Variants in FOXK2 observed in about 807,000 individuals in gnomAD.
FOXK2 encodes the protein forkhead box protein K2.
Under a neutral mutation model 53.3 loss-of-function variants are expected in FOXK2, and 24 were observed. The ratio of observed to expected loss-of-function variants is 0.45; its 90% CI spans 0.33 to 0.63. The LOEUF (loss-of-function observed/expected upper bound fraction) is 0.63. Among genes scored for constraint, FOXK2 ranks in the 30% least tolerant of loss-of-function variants. The pLI is 0.03. For missense variants in FOXK2, 952 were observed against 910.5 expected (o/e 1.05, Z -0.59); for synonymous variants, 505 against 407.1 (o/e 1.24, Z -2.89).
At chr17:82,550,633 G>C (rs1483676580) in intron 1 of FOXK2, among the ~76,000 whole-genome samples, 2 of 151,526 alleles carry the variant, frequency 1.3e-5, no homozygotes, top group African/African-American at 2.4e-5. Flanking sequence ...CTCCCGAGTA[G>C]CTGGGACTAC....
intron 1 of FOXK2, among the ~76,000 whole-genome samples, chr17:82,542,361 C>T (rs922137247): frequency 6.6e-6 from 1 of 152,040 alleles, no homozygotes; most frequent in Non-Finnish European, 1.5e-5. Flanking sequence ...GACGGGATTT[C>T]ACCATGTTGG....
chr17:82,527,173 AG>A (rs1288415652), intron 1 of FOXK2, among the ~76,000 whole-genome samples: 1 of 152,102 alleles, frequency 6.6e-6, no homozygotes, highest in Non-Finnish European at 1.5e-5. Flanking sequence ...CACTTTGAAA[AG>A]TGTTCAGTGT....
At chr17:82,530,015 G>A (rs1390084033) in intron 1 of FOXK2, among the ~76,000 whole-genome samples, 1 of 152,188 alleles carries the variant, frequency 6.6e-6, no homozygotes, top group African/African-American at 2.4e-5. Context: ...TAGCTGAATT[G>A]TTCCAGTTTT....
intron 1 of FOXK2, among the ~76,000 whole-genome samples, chr17:82,554,106 A>G (rs561236120): frequency 7.7e-4 from 117 of 152,306 alleles, no homozygotes; most frequent in Middle Eastern, 6.8e-3. Context: ...TGCTGGGATT[A>G]CAGGCGTGAG....
chr17:82,575,851 A>G (rs2044975998), intron 4 of FOXK2, among the ~76,000 whole-genome samples: 1 of 152,242 alleles, frequency 6.6e-6, no homozygotes, highest in Non-Finnish European at 1.5e-5. Context: ...CAGATGCGCA[A>G]AGATTCACGC....
At chr17:82,538,377 T>A (rs2044541165) in intron 1 of FOXK2, among the ~76,000 whole-genome samples, 1 of 152,096 alleles carries the variant, frequency 6.6e-6, no homozygotes, top group Admixed American at 6.6e-5. Context: ...CCTGGACACT[T>A]GGGAGGCTAA....
chr17:82,587,951 A>C (rs528865612), intron 8 of FOXK2, among the ~76,000 whole-genome samples: 1 of 152,254 alleles, frequency 6.6e-6, no homozygotes, highest in East Asian at 1.9e-4. Flanking sequence ...CAAGCAGGCA[A>C]ATCCGAAGCT....
intron 8 of FOXK2, among the ~76,000 whole-genome samples, chr17:82,591,035 C>T (rs1405188412): frequency 6.6e-6 from 1 of 152,314 alleles, no homozygotes; most frequent in East Asian, 1.9e-4. Flanking sequence ...AGGGCTTGGC[C>T]CCTGCGTGTG....
chr17:82,567,982 G>C (rs1316365692), intron 2 of FOXK2, 72 bp from the exon 3 acceptor site: 1 of 1,096,490 alleles, frequency 9.1e-7, no homozygotes, highest in Non-Finnish European at 1.2e-6. Context: ...TGTAATTAAA[G>C]CCAGTTGCTG....
Position 82,601,377 on chromosome 17 carries a change from G to A in FOXK2, c.1861G>A (p.Gly621Ser), listed in dbSNP as rs776830101. Residue 621 changes from glycine (G) to serine (S), a missense_variant, in exon 9 of 9, where the codon GGT becomes AGT. Gly to Ser is a moderately conservative substitution (Grantham distance 56). This residue lies in a region of FOXK2 where 551 missense variants were observed against 385.1 expected (regional missense o/e 1.43). Transcript: ENST00000335255. ...CTCCCTGCCCACAAAGCGCCACAAC[G>A]GTGACCAGCCGGAGCAGCCGGAGCT... ...SASLPTKRHNGDQPEQPELKR... is the reference protein window; with the variant it reads ...SASLPTKRHNSDQPEQPELKR... 1.7e-5 allele frequency: 27 copies of A among 1,613,276 alleles called. No homozygotes were observed. Among genetic ancestry groups the A allele is most frequent in the Middle Eastern group, 1.8e-4 (1 of 5,702 alleles).
intron 1 of FOXK2, among the ~76,000 whole-genome samples, chr17:82,528,547 A>T (rs1383935052): frequency 1.3e-5 from 2 of 152,204 alleles, no homozygotes; most frequent in Non-Finnish European, 2.9e-5. Context: ...TGCTGCTAAA[A>T]TGCAGTACAG....
intron 1 of FOXK2, among the ~76,000 whole-genome samples, chr17:82,526,150 C>A (rs1410074486): frequency 6.6e-6 from 1 of 152,178 alleles, no homozygotes; most frequent in Admixed American, 6.6e-5. Context: ...CAGTCAGTGG[C>A]TTCTGGAGCT....
chr17:82,576,862 C>CA, intron 4 of FOXK2: 1 of 520,400 alleles, frequency 1.9e-6, no homozygotes, highest in Non-Finnish European at 3.5e-6. Flanking sequence ...ATTTTTCTAC[C>CA]AAAAAAATGT....
In FOXK2 at chr17:82,591,457, G is replaced by A. The variant is rs371866412; in HGVS notation, c.1786+4185G>A. ...CAGAGCTGGGGTGCATCATGCTGCC[G>A]CCCCATGGAGAAGGCCTGGAGGAGA... On this transcript the variant is annotated intron_variant, in intron 8 of 8. Coordinates refer to ENST00000335255, the MANE Select transcript of FOXK2 (RefSeq NM_004514.4). Among the ~76,000 whole-genome samples, 10 of 152,194 alleles carry A rather than the reference G, an allele frequency of 6.6e-5. No individual in the cohort carries two copies. In the East Asian group the frequency reaches 1.6e-3, roughly 24 times the overall value.
chr17:82,583,452 C>T (rs891485125), intron 5 of FOXK2, among the ~76,000 whole-genome samples: 2 of 152,226 alleles, frequency 1.3e-5, no homozygotes, highest in African/African-American at 4.8e-5. Context: ...GAGCCTGAGG[C>T]AGGAGAATCG....
chr17:82,577,298 A>G (rs1445543020), intron 4 of FOXK2: 9 of 1,113,026 alleles, frequency 8.1e-6, no homozygotes, highest in Non-Finnish European at 1.2e-5. Flanking sequence ...CTCGTTATCC[A>G]TGATAACGTT....
At chr17:82,527,312 G>A (rs990850645) in intron 1 of FOXK2, among the ~76,000 whole-genome samples, 3 of 151,066 alleles carry the variant, frequency 2.0e-5, no homozygotes, top group African/African-American at 7.3e-5. Flanking sequence ...GCTAATTTTT[G>A]TATTTTTGGT....
chr17:82,526,135 G>GC (rs2044416669), intron 1 of FOXK2, among the ~76,000 whole-genome samples: 1 of 152,180 alleles, frequency 6.6e-6, no homozygotes, highest in Admixed American at 6.5e-5. Context: ...AGAGAGATGA[G>GC]CCGACAGTCA....
chr17:82,563,269 T>C, intron 1 of FOXK2, 85 bp from the exon 2 acceptor site: 3 of 1,305,074 alleles, frequency 2.3e-6, no homozygotes, highest in Non-Finnish European at 3.2e-6. Context: ...TCTCAGCTGC[T>C]CCAGTGTTGT....
Sources: gnomAD v4.1 joint callset for allele counts (sites outside exome capture counted in the v4.1 genomes callset) on GRCh38, gnomAD v4.1.1 for gene constraint, gnomAD v4.1.1 regional missense constraint, MANE v1.5 for transcripts, NCBI Gene and HGNC (gene_info 2026-07-23, HGNC 2026-07-21) for gene names.